Variants in KIAA0825 observed in about 807,000 individuals in gnomAD.
KIAA0825 encodes the protein KIAA0825.
KIAA0825 carries 119 observed loss-of-function variants against 147.6 expected under a neutral mutation model. That is an observed-to-expected ratio of 0.81 (90% CI 0.69 to 0.94). KIAA0825 has a LOEUF of 0.94. KIAA0825 is among the 40% of genes least tolerant of loss of function. The probability of loss-of-function intolerance (pLI) is 0.00; values close to 1 mark genes in which losing one functional copy is unlikely to be tolerated. For missense variants in KIAA0825, 1,381 were observed against 1,472.7 expected (o/e 0.94, Z 1.02); for synonymous variants, 470 against 518.1 (o/e 0.91, Z 1.26).
chr5:94,572,597 C>T (rs1229016604), intron 2 of KIAA0825, among the ~76,000 whole-genome samples: 1 of 152,086 alleles, frequency 6.6e-6, no homozygotes, highest in Admixed American at 6.6e-5. Flanking sequence ...AAATTATAAT[C>T]TACCTTTCTA....
chr5:94,562,225 A>G (rs1292087590), intron 2 of KIAA0825, among the ~76,000 whole-genome samples: 2 of 152,222 alleles, frequency 1.3e-5, no homozygotes, highest in Admixed American at 6.5e-5. Context: ...TTTTAATTCT[A>G]TAGTTCAATA....
intron 5 of KIAA0825, among the ~76,000 whole-genome samples, chr5:94,487,875 G>A (rs1345968177): frequency 6.6e-6 from 1 of 152,132 alleles, no homozygotes; most frequent in African/African-American, 2.4e-5. Context: ...GATCACCTGA[G>A]CCCGGAAAGT....
chr5:94,170,332 G>A (rs565271517), intron 20 of KIAA0825, among the ~76,000 whole-genome samples: 18 of 151,902 alleles, frequency 1.2e-4, no homozygotes, highest in South Asian at 4.1e-4. Context: ...AAAACAAAAC[G>A]AAAACAATAG....
At chr5:94,471,812 T>A in intron 8 of KIAA0825, 81 bp from the exon 9 acceptor site, 37 of 1,274,762 alleles carry the variant, frequency 2.9e-5, no homozygotes, top group Non-Finnish European at 4.0e-5. Context: ...GCCAAATTCC[T>A]AAATAATGAA....
At chr5:94,607,271 A>G (rs998410889) in intron 1 of KIAA0825, among the ~76,000 whole-genome samples, 10 of 152,108 alleles carry the variant, frequency 6.6e-5, no homozygotes, top group Admixed American at 6.6e-4. Flanking sequence ...ACAACAAAAC[A>G]TTATATGTCA....
At chr5:94,356,688 CAAAAA>C (rs1455716138) in intron 20 of KIAA0825, among the ~76,000 whole-genome samples, 1 of 145,210 alleles carries the variant, frequency 6.9e-6, no homozygotes, top group Non-Finnish European at 1.5e-5. Flanking sequence ...GGACTCCAGA[CAAAAA>C]TACACATCAA....
chr5:94,437,280 G>T (rs1756501506), intron 14 of KIAA0825, among the ~76,000 whole-genome samples: 1 of 152,066 alleles, frequency 6.6e-6, no homozygotes, highest in Non-Finnish European at 1.5e-5. Flanking sequence ...TGAATATATT[G>T]TTTCTAATTT....
chr5:94,569,418 C>T (rs1779427686), intron 2 of KIAA0825: 2 of 401,866 alleles, frequency 5.0e-6, no homozygotes, highest in Non-Finnish European at 9.2e-6. Context: ...GAAAACCCCA[C>T]AAACCCCATT....
At chr5:94,380,711 G>A (rs927346776) in intron 20 of KIAA0825, among the ~76,000 whole-genome samples, 7 of 152,256 alleles carry the variant, frequency 4.6e-5, no homozygotes, top group Non-Finnish European at 1.0e-4. Context: ...CACCAGCCAT[G>A]TGAAGAGCTG....
At chr5:94,272,161 G>A (rs1388543800) in intron 20 of KIAA0825, among the ~76,000 whole-genome samples, 2 of 148,754 alleles carry the variant, frequency 1.3e-5, no homozygotes, top group Admixed American at 1.4e-4. Flanking sequence ...TGGAGATAGA[G>A]TAGAAATGAT....
At chr5:94,481,381 C>T (rs1481143072) in intron 6 of KIAA0825, among the ~76,000 whole-genome samples, 1 of 152,088 alleles carries the variant, frequency 6.6e-6, no homozygotes, top group East Asian at 1.9e-4. Flanking sequence ...CATAGGTTCC[C>T]ATTGTATGCA....
intron 1 of KIAA0825, among the ~76,000 whole-genome samples, chr5:94,599,945 A>C (rs1786060828): frequency 6.6e-6 from 1 of 152,044 alleles, no homozygotes; most frequent in Admixed American, 6.6e-5. Flanking sequence ...CACCCCCCCA[A>C]AAAAAAGGGG....
intron 20 of KIAA0825, among the ~76,000 whole-genome samples, chr5:94,225,138 C>T (rs1404309170): frequency 1.3e-5 from 2 of 152,108 alleles, no homozygotes; most frequent in Admixed American, 1.3e-4. Flanking sequence ...TGTGCAAGAC[C>T]TTAAGTTATA....
intron 20 of KIAA0825, among the ~76,000 whole-genome samples, chr5:94,228,185 C>A (rs1303460540): frequency 6.6e-6 from 1 of 151,972 alleles, no homozygotes; most frequent in Non-Finnish European, 1.5e-5. Flanking sequence ...TTTTTGGTAA[C>A]TTAGAGTACT....
intron 20 of KIAA0825, among the ~76,000 whole-genome samples, chr5:94,299,226 A>T (rs534440678): frequency 6.6e-6 from 1 of 151,742 alleles, no homozygotes; most frequent in Non-Finnish European, 1.5e-5. Flanking sequence ...TTATTTATTT[A>T]TTTTTTTAGC....
At chr5:94,193,043 A>G (rs1269892760) in intron 20 of KIAA0825, among the ~76,000 whole-genome samples, 1 of 152,234 alleles carries the variant, frequency 6.6e-6, no homozygotes, top group East Asian at 1.9e-4. Flanking sequence ...ATAATACAAG[A>G]AAGCTCCCCC....
chr5:94,215,218 A>G (rs191263341), intron 20 of KIAA0825, among the ~76,000 whole-genome samples: 81 of 152,334 alleles, frequency 5.3e-4, no homozygotes, highest in South Asian at 1.0e-3. Context: ...AGAGTGGAAA[A>G]TAAATCTGAA....
chr5:94,193,257 G>A (rs1770837030), intron 20 of KIAA0825, among the ~76,000 whole-genome samples: 1 of 152,108 alleles, frequency 6.6e-6, no homozygotes, highest in East Asian at 1.9e-4. Flanking sequence ...CTCTGTATCA[G>A]GTATAAAATG....
chr5:94,562,730 T>C (rs567847351), intron 2 of KIAA0825, among the ~76,000 whole-genome samples: 1 of 152,296 alleles, frequency 6.6e-6, no homozygotes, highest in African/African-American at 2.4e-5. Flanking sequence ...TGCGTGCAGA[T>C]TGACTCACAG....
Sources: allele counts gnomAD v4.1 joint callset (sites outside exome capture counted in the v4.1 genomes callset), GRCh38; gene constraint gnomAD v4.1.1; transcripts MANE v1.5; gene names NCBI Gene and HGNC (gene_info 2026-07-23, HGNC 2026-07-21).